Variants in NCKAP5 observed in about 807,000 individuals in gnomAD.
The protein encoded by NCKAP5 is nck-associated protein 5.
NCKAP5 carries 92 observed loss-of-function variants against 167.0 expected under a neutral mutation model. The observed-to-expected ratio is 0.55, with a 90% confidence interval of 0.47 to 0.66. NCKAP5 has a LOEUF of 0.66. Ranked by LOEUF, NCKAP5 falls within the 30% of genes least tolerant of loss-of-function variation. The pLI, the probability that NCKAP5 is intolerant of heterozygous loss-of-function variation, is 0.00. For synonymous variants in NCKAP5, 891 were observed against 877.4 expected, an observed-to-expected ratio of 1.02 and a Z score of -0.27; for missense variants, 2,378 against 2,315.0, an observed-to-expected ratio of 1.03 and a Z score of -0.56.
At chr2:133,481,394 G>C (rs1053078932) in intron 3 of NCKAP5, among the ~76,000 whole-genome samples, 2 of 152,194 alleles carry the variant, frequency 1.3e-5, no homozygotes, top group African/African-American at 4.8e-5. Flanking sequence ...AATGTGGAGA[G>C]ATCAAGTCAG....
At chr2:132,994,462 T>C (rs1387129934) in intron 6 of NCKAP5, among the ~76,000 whole-genome samples, 2 of 152,212 alleles carry the variant, frequency 1.3e-5, no homozygotes, top group Admixed American at 1.3e-4. Flanking sequence ...GGTCTGCCTC[T>C]TTATACTTGG....
At chr2:133,283,938 T>C (rs996013532) in intron 4 of NCKAP5, among the ~76,000 whole-genome samples, 2 of 152,192 alleles carry the variant, frequency 1.3e-5, no homozygotes, top group Non-Finnish European at 2.9e-5. Context: ...GTTAAATTTT[T>C]GCTTTATAGA....
chr2:133,090,785 C>A (rs571897182), intron 6 of NCKAP5, among the ~76,000 whole-genome samples: 55 of 127,494 alleles, frequency 4.3e-4, no homozygotes, highest in African/African-American at 1.2e-3. Flanking sequence ...CGGTTGGAGA[C>A]TTGGCGGGGG....
At chr2:133,159,297 G>T (rs1321344520) in intron 5 of NCKAP5, among the ~76,000 whole-genome samples, 1 of 152,176 alleles carries the variant, frequency 6.6e-6, no homozygotes, top group East Asian at 1.9e-4. Flanking sequence ...CAGGGAACCA[G>T]ATTCTGCCAA....
intron 2 of NCKAP5, among the ~76,000 whole-genome samples, chr2:133,555,829 A>G (rs193143797): frequency 3.9e-5 from 6 of 152,336 alleles, no homozygotes; most frequent in Non-Finnish European, 5.9e-5. Flanking sequence ...GTGCCAGCAT[A>G]TTCATAATAG....
chr2:133,432,899 A>G (rs1261452283), intron 3 of NCKAP5, among the ~76,000 whole-genome samples: 1 of 152,196 alleles, frequency 6.6e-6, no homozygotes, highest in African/African-American at 2.4e-5. Context: ...CTTCTTTTGT[A>G]GTATTTTAAA....
At chr2:133,351,621 A>G (rs1684368508) in intron 3 of NCKAP5, among the ~76,000 whole-genome samples, 1 of 152,156 alleles carries the variant, frequency 6.6e-6, no homozygotes, top group Non-Finnish European at 1.5e-5. Context: ...TAAAAGACAC[A>G]CAAGGAGGAG....
At chr2:133,257,240 C>A (rs2088662486) in intron 4 of NCKAP5, among the ~76,000 whole-genome samples, 1 of 152,170 alleles carries the variant, frequency 6.6e-6, no homozygotes, top group South Asian at 2.1e-4. Context: ...GAAGTGCCAA[C>A]AAGCAATATA....
At chr2:132,921,157 T>A (rs1402861655) in intron 8 of NCKAP5, among the ~76,000 whole-genome samples, 3 of 152,114 alleles carry the variant, frequency 2.0e-5, no homozygotes, top group Non-Finnish European at 4.4e-5. Context: ...ATTCCTAGGT[T>A]GATGAATCCT....
chr2:132,719,161 G>T lies in NCKAP5; in HGVS notation c.5713+6466C>A, dbSNP rs139632616. Among the ~76,000 whole-genome samples the T allele has an allele frequency of 7.2e-5, 11 of 152,132 alleles. No homozygotes were observed. The East Asian group carries it at 2.1e-3, about 29-fold the overall frequency. ...TGTGTTCAGGACATGCATAAACAAG[G>T]TATAAAGTACAAGCCAGGAAATGAA... On this transcript the variant is annotated intron_variant, in intron 19 of 19. Transcript: ENST00000409261.
Position 133,320,013 on chromosome 2 carries a change from G to A in NCKAP5, c.70-16903C>T, listed in dbSNP as rs375145853. 1.6e-4 allele frequency among the ~76,000 whole-genome samples: 24 copies of A among 152,136 alleles called. No individual in the cohort carries two copies. In the East Asian group the frequency reaches 2.3e-3, roughly 15 times the overall value. On this transcript the variant is annotated intron_variant, in intron 3 of 19. Coordinates refer to ENST00000409261, the MANE Select transcript of NCKAP5 (RefSeq NM_207363.3). Reference sequence around the variant, plus strand: ...AGCCTTTAGGATTATTATTCATTCCGGTCAAACGAAACCAACTGCAACAAG... The same window carrying A: ...AGCCTTTAGGATTATTATTCATTCCAGTCAAACGAAACCAACTGCAACAAG...
rs559632736 is a variant in NCKAP5, at chr2:133,130,401, G to C, written c.208-290C>G. Among the ~76,000 whole-genome samples, 281 of 152,288 alleles carry C rather than the reference G, an allele frequency of 1.8e-3. 1 individual carries two copies. Among genetic ancestry groups the C allele is most frequent in the African/African-American group, 6.2e-3 (257 of 41,560 alleles). On this transcript the variant is annotated intron_variant, in intron 5 of 19. Coordinates refer to ENST00000409261, the MANE Select transcript of NCKAP5 (RefSeq NM_207363.3). ...TTTCCACTAACCCAGAGAGCATCCT[G>C]TGAAGAACTATGACCCAAAAATACT...
intron 6 of NCKAP5, among the ~76,000 whole-genome samples, chr2:133,002,978 T>A (rs995167702): frequency 6.6e-6 from 1 of 152,216 alleles, no homozygotes; most frequent in Non-Finnish European, 1.5e-5. Context: ...CACATGCAGC[T>A]AAGATGCAAG....
chr2:132,737,411 G>C (rs1270605134), intron 16 of NCKAP5, among the ~76,000 whole-genome samples: 2 of 152,120 alleles, frequency 1.3e-5, no homozygotes, highest in Admixed American at 6.5e-5. Context: ...AGACTGCTTG[G>C]GGCAGAAATA....
chr2:133,100,391 TA>T (rs1039647745), intron 6 of NCKAP5, among the ~76,000 whole-genome samples: 2 of 152,198 alleles, frequency 1.3e-5, no homozygotes, highest in African/African-American at 4.8e-5. Context: ...GTCCAAGCAA[TA>T]ATCATATGTA....
chr2:133,289,922 C>T (rs1358061825), intron 4 of NCKAP5, among the ~76,000 whole-genome samples: 1 of 152,152 alleles, frequency 6.6e-6, no homozygotes, highest in Non-Finnish European at 1.5e-5. Flanking sequence ...GTGCTACACA[C>T]TTTTCAACCA....
At chr2:133,663,538 A>G in the NCKAP5 span, among the ~76,000 whole-genome samples, 32 of 152,346 alleles carry the variant, frequency 2.1e-4, no homozygotes, top group East Asian at 4.6e-3. Context: ...TACTTTATCA[A>G]CTAAGTTTAT....
At chr2:133,599,402 A>T in the NCKAP5 span, among the ~76,000 whole-genome samples, 1 of 152,184 alleles carries the variant, frequency 6.6e-6, no homozygotes, top group Non-Finnish European at 1.5e-5. Context: ...TGTCTGCATC[A>T]TTCACAGATA....
chr2:133,503,971 T>C (rs888830934), intron 3 of NCKAP5, among the ~76,000 whole-genome samples: 1 of 152,070 alleles, frequency 6.6e-6, no homozygotes, highest in African/African-American at 2.4e-5. Context: ...AGAAACTCCC[T>C]CTGGGCACAA....
Sources: allele counts gnomAD v4.1 joint callset (sites outside exome capture counted in the v4.1 genomes callset), GRCh38; gene constraint gnomAD v4.1.1; transcripts MANE v1.5; gene names NCBI Gene and HGNC (gene_info 2026-07-23, HGNC 2026-07-21).